The following MICU1 variants were observed in gnomAD, a reference collection of about 807,000 sequenced individuals.
MICU1 encodes calcium uptake protein 1, mitochondrial.
MICU1 carries 45 observed loss-of-function variants against 56.8 expected under a neutral mutation model. The ratio of observed to expected loss-of-function variants is 0.79; its 90% CI spans 0.62 to 1.02. The LOEUF (loss-of-function observed/expected upper bound fraction) is 1.02. MICU1 is among the 50% of genes least tolerant of loss of function. The probability of loss-of-function intolerance (pLI) is 0.00; values close to 1 mark genes in which losing one functional copy is unlikely to be tolerated. For missense variants in MICU1, 504 were observed against 587.1 expected, an observed-to-expected ratio of 0.86 and a Z score of 1.46; for synonymous variants, 186 against 195.1, an observed-to-expected ratio of 0.95 and a Z score of 0.39.
rs560084609 is a variant in MICU1 at position 72,533,693 on chromosome 10, A to G, written c.537+53T>C. On this transcript the variant is annotated intron_variant, in intron 5 of 11. Coordinates refer to ENST00000361114, the MANE Select transcript of MICU1 (RefSeq NM_001195518.2). The stretch of plus-strand genomic sequence containing the variant: ...AACATAACTATAGAGGAACTTAAAA[A>G]TCTTCTTAGTAAATGATAGGATATA... 5.3e-4 allele frequency: 707 copies of G among 1,341,138 alleles called. 1 individual carries two copies. Among genetic ancestry groups the G allele is most frequent in the Non-Finnish European group, 6.9e-4 (669 of 967,980 alleles). 83.1% of individuals were successfully genotyped at this position (1,341,138 alleles called of 1,614,324 possible).
At chr10:72,468,827 G>A (rs1003798162) in intron 8 of MICU1, among the ~76,000 whole-genome samples, 1 of 152,144 alleles carries the variant, frequency 6.6e-6, no homozygotes, top group Non-Finnish European at 1.5e-5. Flanking sequence ...ACATATTCCA[G>A]AAATTTGGTC....
intron 5 of MICU1, among the ~76,000 whole-genome samples, chr10:72,514,655 C>T (rs564730207): frequency 3.3e-5 from 5 of 152,250 alleles, no homozygotes; most frequent in East Asian, 3.9e-4. Flanking sequence ...AAATACTCTC[C>T]GGATCTTTTC....
intron 6 of MICU1, among the ~76,000 whole-genome samples, chr10:72,494,152 A>G (rs1039162158): frequency 1.3e-5 from 2 of 152,038 alleles, no homozygotes; most frequent in African/African-American, 4.8e-5. Flanking sequence ...AATGTGCACA[A>G]CTCTAGGACA....
chr10:72,557,521 T>C (rs961765704), intron 3 of MICU1, among the ~76,000 whole-genome samples: 2 of 152,176 alleles, frequency 1.3e-5, no homozygotes, highest in African/African-American at 4.8e-5. Context: ...ACACAATAAC[T>C]GACCAAGGTT....
At chr10:72,410,395 T>C (rs147553598) in intron 9 of MICU1, among the ~76,000 whole-genome samples, 6,352 of 152,238 alleles carry the variant, frequency 0.042, 349 homozygotes, top group African/African-American at 0.12. Context: ...GGCGGGCAGA[T>C]CACCTGAGGT....
At chr10:72,380,916 G>A (rs928109999) in intron 10 of MICU1, among the ~76,000 whole-genome samples, 5 of 152,216 alleles carry the variant, frequency 3.3e-5, no homozygotes, top group African/African-American at 1.2e-4. Context: ...GGAGTTGTGA[G>A]GCACCAGCAT....
At chr10:72,491,341 C>A (rs756785084) in intron 6 of MICU1, among the ~76,000 whole-genome samples, 40 of 152,306 alleles carry the variant, frequency 2.6e-4, no homozygotes, top group Non-Finnish European at 5.4e-4. Flanking sequence ...TAAGAAAACA[C>A]TGCAGTGACT....
At chr10:72,484,252 T>C (rs747357190) in intron 6 of MICU1, among the ~76,000 whole-genome samples, 1 of 152,210 alleles carries the variant, frequency 6.6e-6, no homozygotes, top group Middle Eastern at 3.4e-3. Context: ...GAATACAATA[T>C]CCAGAAATTT....
At chr10:72,491,005 G>A (rs922874631) in intron 6 of MICU1, among the ~76,000 whole-genome samples, 7 of 152,108 alleles carry the variant, frequency 4.6e-5, no homozygotes, top group Admixed American at 6.6e-5. Context: ...AAAGCCTAAG[G>A]AGCCAAACAC....
At chr10:72,532,962 T>G in intron 5 of MICU1, 2 of 1,259,198 alleles carry the variant, frequency 1.6e-6, no homozygotes, top group Non-Finnish European at 1.0e-6. Flanking sequence ...AACCCTGACC[T>G]CTCCCCATCT....
intron 8 of MICU1, among the ~76,000 whole-genome samples, chr10:72,454,588 G>T (rs1031364116): frequency 6.6e-6 from 1 of 151,930 alleles, no homozygotes; most frequent in African/African-American, 2.4e-5. Flanking sequence ...TTTGAGACCA[G>T]CCTGGCCAAC....
Position 72,604,123 on chromosome 10 carries a change from C to T in MICU1, c.-2+21887G>A, listed in dbSNP as rs189412085. On this transcript the variant is annotated intron_variant, in intron 1 of 11. Coordinates refer to ENST00000361114, the MANE Select transcript of MICU1 (RefSeq NM_001195518.2). ...TCTCTTCCTATATACATAAAAATTC[C>T]ATGGAACTTTTTTAGCATTCAAAGC... 3.3e-5 allele frequency among the ~76,000 whole-genome samples: 5 copies of T among 152,182 alleles called. No homozygotes were observed. The East Asian group carries it at 9.6e-4, about 29-fold the overall frequency.
chr10:72,523,904 G>A (rs889540861), intron 5 of MICU1: 85 of 1,506,232 alleles, frequency 5.6e-5, no homozygotes, highest in Non-Finnish European at 7.2e-5. Context: ...TAAAGTCATT[G>A]ATTAGCTCAG....
At chr10:72,589,376 C>G (rs574637837) in intron 1 of MICU1, among the ~76,000 whole-genome samples, 2 of 151,978 alleles carry the variant, frequency 1.3e-5, no homozygotes, top group African/African-American at 4.8e-5. Context: ...ACAATTCTAA[C>G]TGAGGAAATG....
At chr10:72,619,924 G>A (rs560824449) in intron 1 of MICU1, among the ~76,000 whole-genome samples, 4 of 151,904 alleles carry the variant, frequency 2.6e-5, no homozygotes, top group Non-Finnish European at 5.9e-5. Context: ...ATGTGAAAAC[G>A]AATAAAAAGG....
At chr10:72,378,229 G>A (rs1050756305) in intron 10 of MICU1, among the ~76,000 whole-genome samples, 6 of 152,094 alleles carry the variant, frequency 3.9e-5, no homozygotes, top group Non-Finnish European at 8.8e-5. Context: ...CTCCAGCCTC[G>A]GTTACAGAGC....
At chr10:72,556,295 T>G (rs1037486319) in intron 3 of MICU1, among the ~76,000 whole-genome samples, 1 of 152,192 alleles carries the variant, frequency 6.6e-6, no homozygotes, top group Non-Finnish European at 1.5e-5. Flanking sequence ...AGTAAATTAA[T>G]TTTTGGCAGT....
chr10:72,453,680 C>G (rs1865365897), intron 8 of MICU1, among the ~76,000 whole-genome samples: 1 of 151,898 alleles, frequency 6.6e-6, no homozygotes, highest in Non-Finnish European at 1.5e-5. Context: ...CAGGCTTGCA[C>G]CACCACGCCG....
At chr10:72,615,590 C>G (rs1841957266) in intron 1 of MICU1, among the ~76,000 whole-genome samples, 1 of 152,158 alleles carries the variant, frequency 6.6e-6, no homozygotes, top group Admixed American at 6.5e-5. Flanking sequence ...GATGTCTAAT[C>G]TGCCATTAAT....
Sources: allele counts gnomAD v4.1 joint callset (sites outside exome capture counted in the v4.1 genomes callset), GRCh38; gene constraint gnomAD v4.1.1; transcripts MANE v1.5; gene names NCBI Gene and HGNC (gene_info 2026-07-23, HGNC 2026-07-21).